The following TCHP variants were observed in gnomAD, a reference collection of about 807,000 sequenced individuals.
TCHP encodes trichoplein keratin filament binding.
In TCHP, 81 loss-of-function variants were observed where a neutral mutation model predicts 88.7. The ratio of observed to expected loss-of-function variants is 0.91; its 90% CI spans 0.76 to 1.10. The LOEUF (loss-of-function observed/expected upper bound fraction) is 1.10, where lower values mean the gene tolerates loss of function less well. Among genes scored for constraint, TCHP ranks in the 50% least tolerant of loss-of-function variants. TCHP has a pLI of 0.00. For synonymous variants in TCHP, 232 were observed against 232.5 expected (o/e 1.00, Z 0.02); for missense variants, 641 against 632.1 (o/e 1.01, Z -0.15).
intron 8 of TCHP, 124 bp downstream of exon 8, chr12:109,909,061 G>T (rs921447712): frequency 1.1e-6 from 1 of 891,810 alleles, no homozygotes; most frequent in South Asian, 1.5e-5. Flanking sequence ...GGAAAGGGGA[G>T]ATGTTGGTCA....
chr12:109,898,457 G>A (rs1362134977), upstream of TCHP, among the ~76,000 whole-genome samples: 5 of 152,176 alleles, frequency 3.3e-5, no homozygotes, highest in Admixed American at 6.6e-5. Flanking sequence ...AGATCCGCCA[G>A]CCTTGGCCTC....
At chr12:109,885,372 ATT>A in the TCHP span, among the ~76,000 whole-genome samples, 6 of 151,724 alleles carry the variant, frequency 4.0e-5, no homozygotes, top group East Asian at 7.8e-4. Flanking sequence ...GCAGCTATAG[ATT>A]TTGTGTGTCA....
rs1304921987 is a variant in TCHP, at chr12:109,903,611, A to G, written c.189-326A>G. Among the ~76,000 whole-genome samples the G allele has an allele frequency of 6.6e-6, 1 of 152,206 alleles. No individual in the cohort carries two copies. Among genetic ancestry groups the G allele is most frequent in the East Asian group, 1.9e-4 (1 of 5,200 alleles). The stretch of plus-strand genomic sequence containing the variant: ...GCATAGGCTTTGAAGTCAGACCTAG[A>G]TGGAAATCCTGACCGTGTCTCTTGC... On this transcript the variant is annotated intron_variant, in intron 2 of 12. Transcript: ENST00000405876. The surrounding 1 kb of genome is among the most constrained non-coding windows in gnomAD (Gnocchi z 4.6).
chr12:109,912,903 C>T, intron 9 of TCHP, 88 bp from the exon 10 acceptor site: 1 of 1,029,752 alleles, frequency 9.7e-7, no homozygotes, highest in Non-Finnish European at 1.5e-6. Context: ...CTGCAGAAGC[C>T]ATGTGCCCTG....
rs988899439 is a variant in TCHP, at chr12:109,918,016, G to A, written c.*1393G>A. On this transcript the variant is annotated 3_prime_UTR_variant, in exon 13 of 13. Transcript: ENST00000405876. Reference sequence around the variant, plus strand: ...GTTCATCACGCATGCTCTCTGTTGCGTTCCCCATTTCAGATGTCCAGTAAT... The same window carrying A: ...GTTCATCACGCATGCTCTCTGTTGCATTCCCCATTTCAGATGTCCAGTAAT... 7 of 152,286 alleles carry A rather than the reference G, an allele frequency of 4.6e-5. No homozygotes were observed. The highest frequency in any genetic ancestry group is 7.4e-5 in the Non-Finnish European group (5 of 68,020). 9.4% of individuals were successfully genotyped at this position (152,286 alleles called of 1,614,324 possible).
At chr12:109,908,494 A>T in intron 6 of TCHP, 92 bp from the exon 7 acceptor site, 1 of 1,043,016 alleles carries the variant, frequency 9.6e-7, no homozygotes, top group South Asian at 1.4e-5. Context: ...CTGTTGGTGT[A>T]GTGTCTGCGA....
intron 8 of TCHP, among the ~76,000 whole-genome samples, chr12:109,909,254 T>C (rs529172044): frequency 6.6e-6 from 1 of 152,328 alleles, no homozygotes; most frequent in East Asian, 1.9e-4. Flanking sequence ...CCTTTCCCAG[T>C]GTCTGTGTGT....
intron 8 of TCHP, among the ~76,000 whole-genome samples, chr12:109,909,182 G>A (rs938106831): frequency 4.6e-5 from 7 of 152,180 alleles, no homozygotes; most frequent in African/African-American, 9.7e-5. Flanking sequence ...AATCTTAAGT[G>A]TTGTCACCAT....
At chr12:109,907,841 C>A in intron 6 of TCHP, 142 bp downstream of exon 6, 1 of 849,290 alleles carries the variant, frequency 1.2e-6, no homozygotes, top group Non-Finnish European at 1.8e-6. Flanking sequence ...TTCTCCCTCT[C>A]ACATGCATCC....
chr12:109,913,443 C>G (rs575085212), intron 10 of TCHP, among the ~76,000 whole-genome samples: 1 of 152,308 alleles, frequency 6.6e-6, no homozygotes, highest in South Asian at 2.1e-4. Context: ...GGCTGTATCA[C>G]GGACTGTCCT....
chr12:109,898,523 A>G (rs1317839239), upstream of TCHP, among the ~76,000 whole-genome samples: 5 of 151,952 alleles, frequency 3.3e-5, no homozygotes. Flanking sequence ...AAGTTGCTCT[A>G]TTTTTACTCT....
At chr12:109,889,301 G>A in the TCHP span, among the ~76,000 whole-genome samples, 6 of 152,154 alleles carry the variant, frequency 3.9e-5, no homozygotes, top group East Asian at 5.8e-4. Flanking sequence ...GTGAAACCCC[G>A]TCTCTACTAA....
Position 109,908,927 on chromosome 12 carries a change from A to G in TCHP, c.869A>G (p.Gln290Arg). 1 of 1,614,252 alleles carries G rather than the reference A, an allele frequency of 6.2e-7. No individual in the cohort carries two copies. The highest frequency in any genetic ancestry group is 1.3e-5 in the African/African-American group (1 of 75,074). The change falls in exon 8 of 13, where the codon CAA becomes CGA. Residue 290 changes from glutamine to arginine, a missense_variant. By Grantham distance (43) the Gln-to-Arg change is conservative (BLOSUM62 1). Transcript: ENST00000405876. ...CTCAGCAGACGCACACAGCAGATCC[A>G]AGAGGAGCTGGTAAGTCTGAAGAGA... The part of the protein sequence containing the change: ...AQLSRRTQQI[Q>R]EELEADRRIL...
chr12:109,907,790 A>G (rs1870231829), intron 6 of TCHP, 91 bp downstream of exon 6: 5 of 1,402,652 alleles, frequency 3.6e-6, no homozygotes, highest in East Asian at 2.5e-5. Context: ...AGAAGAGGCC[A>G]TAGCAGGGCT....
At chr12:109,883,477 A>C in the TCHP span, among the ~76,000 whole-genome samples, 6 of 152,262 alleles carry the variant, frequency 3.9e-5, no homozygotes, top group South Asian at 1.2e-3. Flanking sequence ...GACATGCTCC[A>C]TCAAGTCAGA....
At position 109,904,095 on chromosome 12, in the gene TCHP, TC is replaced by T; in HGVS notation, c.349del (p.Arg117GlyfsTer7). ...RLSMNLQERR[I>X]REQHGKLKSA... Reference sequence around the variant, plus strand: ...AGCATGAACTTGCAGGAAAGAAGAATCCGGGAGCAGCACGGGAAGCTGAAAT... The same window carrying T: ...AGCATGAACTTGCAGGAAAGAAGAATCGGGAGCAGCACGGGAAGCTGAAAT... On this transcript the variant is annotated frameshift_variant, in exon 3 of 13. Coordinates refer to ENST00000405876, the MANE Select transcript of TCHP (RefSeq NM_001143852.2). LOFTEE classifies it high-confidence loss of function. The T allele has an allele frequency of 6.3e-7, 1 of 1,595,132 alleles. No individual in the cohort carries two copies. The highest frequency in any genetic ancestry group is 8.5e-7 in the Non-Finnish European group (1 of 1,170,666).
the TCHP span, among the ~76,000 whole-genome samples, chr12:109,892,188 A>G: frequency 6.6e-6 from 1 of 152,184 alleles, no homozygotes; most frequent in Middle Eastern, 3.4e-3. Context: ...TACCATCTCA[A>G]AAAAAAATCA....
rs11539159 is a variant in TCHP, at chr12:109,903,047, G to C, written c.21G>C (p.Pro7=). The C allele has an allele frequency of 1.9e-6, 3 of 1,609,752 alleles. No individual in the cohort carries two copies. The East Asian group carries it at 6.7e-5, about 36-fold the overall frequency. Residue 7 remains proline (P), a synonymous_variant, in exon 2 of 13, where the codon CCG becomes CCC. Coordinates refer to ENST00000405876, the MANE Select transcript of TCHP (RefSeq NM_001143852.2). This position sits in a 1 kb window ranked among gnomAD's most constrained non-coding sequence, Gnocchi z 4.6. ...CTCAGATGGCGCTCCCGACGCTGCC[G>C]TCCTACTGGTGCAGCCAGCAGCGCC... is the stretch of plus-strand genomic sequence containing the variant. MALPTL[P]SYWCSQQRLN...
rs868681294 is a variant in TCHP at position 109,906,522 on chromosome 12, T to A, written c.457-50T>A. On this transcript the variant is annotated intron_variant, in intron 4 of 12. Coordinates refer to ENST00000405876, the MANE Select transcript of TCHP (RefSeq NM_001143852.2). ...GGGCAGGAGCACACTGTCCCCACAGTGCCCATCTGTCTGGTGAGGAAATTC... is the reference window on the plus strand; with the variant it reads ...GGGCAGGAGCACACTGTCCCCACAGAGCCCATCTGTCTGGTGAGGAAATTC... The A allele has an allele frequency of 8.2e-6, 13 of 1,577,020 alleles. No homozygotes were observed. The African/African-American group carries it at 1.3e-4, about 16-fold the overall frequency.
Sources: gnomAD v4.1 joint callset for allele counts (sites outside exome capture counted in the v4.1 genomes callset) on GRCh38, gnomAD v4.1.1 for gene constraint, Gnocchi (gnomAD v3.1) non-coding constraint, MANE v1.5 for transcripts, NCBI Gene and HGNC (gene_info 2026-07-23, HGNC 2026-07-21) for gene names.